GPN1: variants seen among roughly 807,000 people sequenced by gnomAD.
GPN1 encodes the protein ATP(GTP)-binding protein.
Under a neutral mutation model 55.9 loss-of-function variants are expected in GPN1, and 44 were observed. The observed-to-expected ratio is 0.79, with a 90% CI of 0.62 to 1.01. GPN1 has a LOEUF of 1.01. Among genes scored for constraint, GPN1 ranks in the 50% least tolerant of loss-of-function variants. GPN1 has a pLI of 0.00. For synonymous variants in GPN1, 179 were observed against 162.5 expected, an observed-to-expected ratio of 1.10 and a Z score of -0.77; for missense variants, 466 against 462.8, an observed-to-expected ratio of 1.01 and a Z score of -0.06.
At chr2:27,648,212 A>T (rs900507061) in intron 13 of GPN1, among the ~76,000 whole-genome samples, 1 of 152,066 alleles carries the variant, frequency 6.6e-6, no homozygotes, top group African/African-American at 2.4e-5. Context: ...TGTTGTTATT[A>T]GTATTTTGTT....
Position 27,647,932 on chromosome 2 carries a change from T to G in GPN1, c.1028T>G (p.Ile343Ser). 6.2e-7 allele frequency: 1 copy of G among 1,603,546 alleles called. No individual in the cohort carries two copies. The highest frequency in any genetic ancestry group is 2.2e-5 in the East Asian group (1 of 44,842). The change falls in exon 13 of 14, where the codon ATT becomes AGT. Residue 343 changes from isoleucine to serine, a missense_variant. Coordinates refer to ENST00000610189, the MANE Select transcript of GPN1 (RefSeq NM_007266.4). ...DEEADSDTDD[I>S]DHRVTEESHE... ...GAAGCAGACAGCGATACTGATGACA[T>G]TGACCACAGAGGTGAGAGGTGGCTG...
intron 9 of GPN1, 22 bp downstream of exon 9, chr2:27,639,053 C>CACTG (rs780021861): frequency 6.4e-7 from 1 of 1,567,678 alleles, no homozygotes; most frequent in South Asian, 1.2e-5. Context: ...CTCCTGCTCA[C>CACTG]ACTGACAGCC....
Position 27,642,497 on chromosome 2 carries a change from C to G in GPN1, c.909C>G (p.Ala303=). ...ERLRKDMGSV[A]LDAGTAKDSL... Reference sequence around the variant, plus strand: ...TTCGAAAAGATATGGGTTCTGTAGCCTTGGATGCAGGGACTGCCAAAGGTA... The same window carrying G: ...TTCGAAAAGATATGGGTTCTGTAGCGTTGGATGCAGGGACTGCCAAAGGTA... The change falls in exon 12 of 14, where the codon GCC becomes GCG. Residue 303 remains alanine (A), a synonymous_variant. Coordinates refer to ENST00000610189, the MANE Select transcript of GPN1 (RefSeq NM_007266.4). 4.3e-6 allele frequency: 7 copies of G among 1,611,510 alleles called. No individual in the cohort carries two copies. Among genetic ancestry groups the G allele is most frequent in the Non-Finnish European group, 5.9e-6 (7 of 1,177,694 alleles).
At chr2:27,649,136 T>C (rs1337180975) in intron 13 of GPN1, among the ~76,000 whole-genome samples, 1 of 151,756 alleles carries the variant, frequency 6.6e-6, no homozygotes, top group Non-Finnish European at 1.5e-5. Context: ...TCCCAGCTAC[T>C]TGGGAGGCTG....
intron 12 of GPN1, among the ~76,000 whole-genome samples, chr2:27,646,514 T>C (rs1674239918): frequency 6.6e-6 from 1 of 152,176 alleles, no homozygotes; most frequent in Admixed American, 6.5e-5. Flanking sequence ...TTTTTTTAGT[T>C]TTATCATTGG....
At chr2:27,632,009 T>C (rs1413815684) in intron 4 of GPN1, 109 bp downstream of exon 4, 6 of 745,446 alleles carry the variant, frequency 8.0e-6, no homozygotes, top group Non-Finnish European at 1.5e-5. Flanking sequence ...AGCATAAATA[T>C]AGAAAATAAG....
At chr2:27,641,091 G>A in intron 10 of GPN1, 149 bp from the exon 11 acceptor site, 1 of 604,382 alleles carries the variant, frequency 1.7e-6, no homozygotes, top group Non-Finnish European at 2.9e-6. Flanking sequence ...GGTAGACTCT[G>A]TCAGTGACTA....
rs1027570146 is a variant in GPN1 at position 27,650,313 on chromosome 2, G to C, written c.*113G>C. On this transcript the variant is annotated 3_prime_UTR_variant, in exon 14 of 14. Transcript: ENST00000610189. ...CTCCCATAAGGGATAATTTTCCTCA[G>C]AGTAGCAAAGTTTCTCTTATTAGAG... The C allele has an allele frequency of 1.2e-5, 7 of 582,400 alleles. No homozygotes were observed. Among genetic ancestry groups the C allele is most frequent in the Non-Finnish European group, 1.8e-5 (6 of 325,290 alleles). 36.1% of individuals were successfully genotyped at this position (582,400 alleles called of 1,614,324 possible). A position where few individuals can be genotyped will look rare whatever the true frequency, so the allele number is the denominator to read the frequency against.
intron 12 of GPN1, among the ~76,000 whole-genome samples, chr2:27,644,422 A>G (rs933148462): frequency 3.3e-5 from 5 of 152,144 alleles, no homozygotes; most frequent in Admixed American, 2.0e-4. Flanking sequence ...TTATTTTGCC[A>G]TGCAAAAGTT....
intron 7 of GPN1, among the ~76,000 whole-genome samples, chr2:27,636,910 T>G (rs1211417529): frequency 6.6e-6 from 1 of 152,172 alleles, no homozygotes; most frequent in Non-Finnish European, 1.5e-5. Flanking sequence ...TTTGAACTCG[T>G]GGGCTCAGGC....
At chr2:27,642,956 TATACACACACAC>T (rs1451979809) in intron 12 of GPN1, among the ~76,000 whole-genome samples, 55 of 85,830 alleles carry the variant, frequency 6.4e-4, no homozygotes, top group Non-Finnish European at 1.0e-3. Flanking sequence ...TATATATATA[TATACACACACAC>T]ACACACACAC....
At chr2:27,636,566 C>T (rs549840595) in intron 7 of GPN1, among the ~76,000 whole-genome samples, 3 of 152,158 alleles carry the variant, frequency 2.0e-5, no homozygotes, top group South Asian at 2.1e-4. Context: ...ACAATCTCAC[C>T]GTACTGCAAT....
Position 27,642,964 on chromosome 2 carries a change from C to T in GPN1, c.931+445C>T, listed in dbSNP as rs865785225. 5.7e-3 allele frequency among the ~76,000 whole-genome samples: 838 copies of T among 146,850 alleles called. 2 individuals are homozygous for T. The highest frequency in any genetic ancestry group is 0.017 in the African/African-American group (661 of 39,478). On this transcript the variant is annotated intron_variant, in intron 12 of 13. Transcript: ENST00000610189. ...GGTTTTATATATATATATATACACA[C>T]ACACACACACACACACACACACACA...
chr2:27,646,721 TCTC>T lies in GPN1; in HGVS notation c.932-1114_932-1112del, dbSNP rs539003814. On this transcript the variant is annotated intron_variant, in intron 12 of 13. Coordinates refer to ENST00000610189, the MANE Select transcript of GPN1 (RefSeq NM_007266.4). Reference sequence around the variant, plus strand: ...AATAAATTGTACATTTATTTTTTCTTCTCATCAGCAACACTAGCATTTTTTTTT... The same window carrying T: ...AATAAATTGTACATTTATTTTTTCTTATCAGCAACACTAGCATTTTTTTTT... 1.5e-4 allele frequency among the ~76,000 whole-genome samples: 23 copies of T among 152,328 alleles called. 1 individual carries two copies. The South Asian group carries it at 4.8e-3, about 32-fold the overall frequency.
At chr2:27,642,549 TA>T (rs528555640) in intron 12 of GPN1, 30 bp downstream of exon 12, 14 of 1,264,116 alleles carry the variant, frequency 1.1e-5, no homozygotes, top group South Asian at 3.7e-5. Flanking sequence ...TGTTAGGAAC[TA>T]AAAAAAGGTT....
upstream of GPN1, chr2:27,628,800 C>A (rs1224008243): frequency 6.6e-7 from 1 of 1,504,786 alleles, no homozygotes; most frequent in African/African-American, 1.4e-5. Flanking sequence ...AAAGCCCTCC[C>A]AGGCTGCAGA....
intron 5 of GPN1, among the ~76,000 whole-genome samples, chr2:27,633,596 C>G (rs1162289461): frequency 6.6e-6 from 1 of 152,180 alleles, no homozygotes; most frequent in Admixed American, 6.5e-5. Context: ...CTGCCTCAGC[C>G]TCCTGAGTAG....
intron 7 of GPN1, among the ~76,000 whole-genome samples, chr2:27,637,303 T>C (rs1028749719): frequency 2.0e-5 from 3 of 152,170 alleles, no homozygotes; most frequent in Non-Finnish European, 4.4e-5. Flanking sequence ...AAACTCTTCA[T>C]CCTAATCGTC....
At chr2:27,649,412 C>A (rs1045671319) in intron 13 of GPN1, among the ~76,000 whole-genome samples, 7 of 151,890 alleles carry the variant, frequency 4.6e-5, no homozygotes, top group African/African-American at 1.7e-4. Flanking sequence ...GTGAAACTCA[C>A]TTTTTGAGTA....
Sources: allele counts gnomAD v4.1 joint callset (sites outside exome capture counted in the v4.1 genomes callset), GRCh38; gene constraint gnomAD v4.1.1; transcripts MANE v1.5; gene names NCBI Gene and HGNC (gene_info 2026-07-23, HGNC 2026-07-21).